ARL15: variants seen among roughly 807,000 people sequenced by gnomAD.
The protein encoded by ARL15 is ADP-ribosylation factor-like protein 15.
In ARL15, 19 loss-of-function variants were observed where a neutral mutation model predicts 25.2. The observed-to-expected ratio is 0.75, with a 90% CI of 0.53 to 1.10. The LOEUF is 1.10. Among genes scored for constraint, ARL15 ranks in the 50% least tolerant of loss-of-function variants. The probability of loss-of-function intolerance (pLI) is 0.00; values close to 1 mark genes in which losing one functional copy is unlikely to be tolerated. For synonymous variants in ARL15, 94 were observed against 86.8 expected (o/e 1.08, Z -0.46); for missense variants, 220 against 246.0 (o/e 0.89, Z 0.71).
At chr5:54,030,404 G>A (rs381024) in intron 4 of ARL15, among the ~76,000 whole-genome samples, 46,248 of 151,722 alleles carry the variant, frequency 0.3, 7,985 homozygotes, top group African/African-American at 0.47. Context: ...GACATTAATG[G>A]AAATGTTGGA....
At chr5:54,145,752 C>A (rs1326171991) in intron 3 of ARL15, among the ~76,000 whole-genome samples, 1 of 152,090 alleles carries the variant, frequency 6.6e-6, no homozygotes, top group East Asian at 1.9e-4. Flanking sequence ...ACAAAACAAC[C>A]TTTTGCTTGT....
At chr5:54,276,540 G>T (rs749330043) in intron 1 of ARL15, among the ~76,000 whole-genome samples, 1 of 152,282 alleles carries the variant, frequency 6.6e-6, no homozygotes, top group Admixed American at 6.5e-5. Context: ...GCCTAAGATC[G>T]TACTAAGGTG....
rs1395440726 is a variant in ARL15, at chr5:54,154,219, CTA to C, written c.253+359_253+360del. Among the ~76,000 whole-genome samples the C allele has an allele frequency of 2.0e-5, 3 of 152,198 alleles. No individual in the cohort carries two copies. The South Asian group carries it at 6.2e-4, about 32-fold the overall frequency. On this transcript the variant is annotated intron_variant, in intron 3 of 4. Coordinates refer to ENST00000504924, the MANE Select transcript of ARL15 (RefSeq NM_019087.3). Reference sequence around the variant, plus strand: ...ATAAAACCTGCAGTATAAACACAAACTACTCTAAAATACAAATCTTTTCCCCG... The same window carrying C: ...ATAAAACCTGCAGTATAAACACAAACCTCTAAAATACAAATCTTTTCCCCG...
At chr5:54,195,051 A>C (rs13435967) in intron 1 of ARL15, among the ~76,000 whole-genome samples, 45,000 of 152,064 alleles carry the variant, frequency 0.3, 7,063 homozygotes, top group African/African-American at 0.37. Context: ...GTAAATCTAC[A>C]TTCCTTTTGT....
At chr5:54,038,196 G>A (rs1750230744) in intron 4 of ARL15, among the ~76,000 whole-genome samples, 1 of 152,014 alleles carries the variant, frequency 6.6e-6, no homozygotes, top group South Asian at 2.1e-4. Flanking sequence ...TTTATACCTT[G>A]CTTAGAGTTA....
intron 4 of ARL15, among the ~76,000 whole-genome samples, chr5:53,894,929 G>A (rs1744827133): frequency 6.6e-6 from 1 of 152,116 alleles, no homozygotes. Flanking sequence ...TCATCACCCA[G>A]GCACCATAAA....
At chr5:54,259,492 A>G (rs989624045) in intron 1 of ARL15, among the ~76,000 whole-genome samples, 7 of 152,206 alleles carry the variant, frequency 4.6e-5, no homozygotes, top group Non-Finnish European at 1.0e-4. Context: ...CCCAATACTG[A>G]AACTAGTTGA....
chr5:54,192,924 G>A (rs552124299), intron 1 of ARL15, among the ~76,000 whole-genome samples: 1 of 152,264 alleles, frequency 6.6e-6, no homozygotes, highest in East Asian at 1.9e-4. Context: ...TACTGGGGTG[G>A]TGAAGACAGA....
chr5:53,885,986 CTA>C lies in ARL15; in HGVS notation c.*573_*574del. ...TCTAAGCTCTTCAGAGCCAATTTTA[CTA>C]TGGCAGGATATTCCTTCCTGATAAG... On this transcript the variant is annotated 3_prime_UTR_variant, in exon 5 of 5. Transcript: ENST00000504924. 1 of 151,534 alleles carries C rather than the reference CTA, an allele frequency of 6.6e-6. No homozygotes were observed. Among genetic ancestry groups the C allele is most frequent in the Non-Finnish European group, 1.5e-5 (1 of 67,996 alleles). 9.4% of individuals were successfully genotyped at this position (151,534 alleles called of 1,614,324 possible).
intron 4 of ARL15, among the ~76,000 whole-genome samples, chr5:53,987,418 G>A (rs918927670): frequency 1.9e-4 from 29 of 150,924 alleles, no homozygotes; most frequent in Non-Finnish European, 3.8e-4. Flanking sequence ...ACATGCATGC[G>A]CACAGGCCCA....
At chr5:54,242,575 G>A (rs1302771828) in intron 1 of ARL15, among the ~76,000 whole-genome samples, 1 of 152,140 alleles carries the variant, frequency 6.6e-6, no homozygotes, top group Non-Finnish European at 1.5e-5. Context: ...GAAACTACTG[G>A]GAACAAATAT....
At position 53,905,521 on chromosome 5, in the gene ARL15, A is replaced by G. The variant is rs552087349; in HGVS notation, c.463-18808T>C. 5.4e-4 allele frequency among the ~76,000 whole-genome samples: 82 copies of G among 152,314 alleles called. 1 individual carries two copies. The highest frequency in any genetic ancestry group is 9.0e-4 in the Non-Finnish European group (61 of 68,018). The stretch of plus-strand genomic sequence containing the variant: ...AGACCCAGAACAGAAACAGAATTCT[A>G]TTATAAAGTATACCCATCAAGAAAA... On this transcript the variant is annotated intron_variant, in intron 4 of 4. Transcript: ENST00000504924.
chr5:53,889,799 T>C (rs1482396510), intron 4 of ARL15, among the ~76,000 whole-genome samples: 1 of 149,722 alleles, frequency 6.7e-6, no homozygotes, highest in African/African-American at 2.4e-5. Flanking sequence ...CTTTATGTTC[T>C]AGTTCTGACT....
At chr5:54,065,682 A>C in intron 4 of ARL15, among the ~76,000 whole-genome samples, 1 of 81,718 alleles carries the variant, frequency 1.2e-5, no homozygotes, top group Admixed American at 9.9e-5. Context: ...AAACAAGCAA[A>C]CAAACAAACA....
In ARL15 at chr5:54,274,588, C is replaced by T. The variant is rs543385852; in HGVS notation, c.48+35844G>A. Reference sequence around the variant, plus strand: ...CACTCTAATTGAGAACATTATTTTGCTTACTAAAGGTAAGAAAGAAAACAT... The same window carrying T: ...CACTCTAATTGAGAACATTATTTTGTTTACTAAAGGTAAGAAAGAAAACAT... On this transcript the variant is annotated intron_variant, in intron 1 of 4. Coordinates refer to ENST00000504924, the MANE Select transcript of ARL15 (RefSeq NM_019087.3). 4.6e-5 allele frequency among the ~76,000 whole-genome samples: 7 copies of T among 152,224 alleles called. No homozygotes were observed. In the South Asian group the frequency reaches 1.5e-3, roughly 32 times the overall value.
intron 3 of ARL15, among the ~76,000 whole-genome samples, chr5:54,129,372 C>T (rs973826200): frequency 6.6e-6 from 1 of 152,122 alleles, no homozygotes; most frequent in Non-Finnish European, 1.5e-5. Context: ...TCTTGGCTCC[C>T]TATTCAGAGC....
At chr5:54,042,362 C>A (rs1750369118) in intron 4 of ARL15, among the ~76,000 whole-genome samples, 1 of 152,108 alleles carries the variant, frequency 6.6e-6, no homozygotes, top group African/African-American at 2.4e-5. Context: ...TGAAAATGTT[C>A]TAGGTAATGT....
chr5:54,260,652 A>G (rs2112621195), intron 1 of ARL15, among the ~76,000 whole-genome samples: 1 of 152,316 alleles, frequency 6.6e-6, no homozygotes. Context: ...AAAATTCTTT[A>G]TATAATGCAT....
intron 3 of ARL15, among the ~76,000 whole-genome samples, chr5:54,132,565 T>C (rs1181259955): frequency 2.0e-5 from 3 of 152,170 alleles, no homozygotes; most frequent in African/African-American, 7.2e-5. Flanking sequence ...TAAAATTATA[T>C]GGTACTTTTT....
Sources: allele counts gnomAD v4.1 joint callset (sites outside exome capture counted in the v4.1 genomes callset), GRCh38; gene constraint gnomAD v4.1.1; transcripts MANE v1.5; gene names NCBI Gene and HGNC (gene_info 2026-07-23, HGNC 2026-07-21).